Variants in PLB1 observed in about 807,000 individuals in gnomAD.
The protein encoded by PLB1 is phospholipase B1, membrane-associated.
A neutral mutation model predicts 227.4 loss-of-function variants in PLB1; 242 were observed. That is an observed-to-expected ratio of 1.06 (90% CI 0.96 to 1.18). The LOEUF is 1.18. PLB1 is among the 50% of genes most tolerant of loss of function. The probability of loss-of-function intolerance (pLI) is 0.00; values close to 1 mark genes in which losing one functional copy is unlikely to be tolerated. For missense variants in PLB1, 1,858 were observed against 1,816.3 expected (o/e 1.02, Z -0.42); for synonymous variants, 757 against 682.2 (o/e 1.11, Z -1.71).
intron 44 of PLB1, among the ~76,000 whole-genome samples, chr2:28,616,088 G>A (rs1268105797): frequency 3.3e-5 from 5 of 152,200 alleles, no homozygotes; most frequent in Non-Finnish European, 7.3e-5. Flanking sequence ...ATGGTGGTTG[G>A]GGAGTAGAGA....
intron 31 of PLB1, among the ~76,000 whole-genome samples, chr2:28,592,366 C>G (rs555967184): frequency 7.4e-4 from 112 of 152,136 alleles, no homozygotes; most frequent in African/African-American, 2.6e-3. Flanking sequence ...TGCCCTCCCT[C>G]CCACCTTTCC....
intron 41 of PLB1, among the ~76,000 whole-genome samples, chr2:28,604,981 C>T (rs1684461819): frequency 6.6e-6 from 1 of 152,226 alleles, no homozygotes; most frequent in Non-Finnish European, 1.5e-5. Flanking sequence ...CTACTAGTGC[C>T]AGGCACTGTG....
intron 14 of PLB1, among the ~76,000 whole-genome samples, chr2:28,544,099 C>A (rs185352412): frequency 6.6e-6 from 1 of 152,144 alleles, no homozygotes; most frequent in Admixed American, 6.5e-5. Context: ...TGTTGAGTAC[C>A]AGGGACAGCT....
In PLB1 at chr2:28,543,994, T is replaced by G. The variant is rs920419719; in HGVS notation, c.936+726T>G. Reference sequence around the variant, plus strand: ...GACAGAGACCTGAATTTGCCATTTATTTTCTTCCCACCCAAGCTGCCTTAT... The same window carrying G: ...GACAGAGACCTGAATTTGCCATTTAGTTTCTTCCCACCCAAGCTGCCTTAT... On this transcript the variant is annotated intron_variant, in intron 14 of 57. Transcript: ENST00000327757. Among the ~76,000 whole-genome samples, 6 of 152,212 alleles carry G rather than the reference T, an allele frequency of 3.9e-5. No individual in the cohort carries two copies. In the South Asian group the frequency reaches 8.3e-4, roughly 21 times the overall value.
intron 49 of PLB1, among the ~76,000 whole-genome samples, chr2:28,623,890 G>A (rs1687370781): frequency 6.6e-6 from 1 of 152,242 alleles, no homozygotes; most frequent in Non-Finnish European, 1.5e-5. Context: ...TTGCCCAGGA[G>A]TTGGAGACCA....
At chr2:28,498,736 TA>T (rs1377206986) in intron 1 of PLB1, among the ~76,000 whole-genome samples, 9 of 152,278 alleles carry the variant, frequency 5.9e-5, no homozygotes, top group African/African-American at 2.2e-4. Flanking sequence ...TCAGGGCCAA[TA>T]ACCCATTATC....
chr2:28,641,476 C>A (rs1467276216), intron 57 of PLB1, among the ~76,000 whole-genome samples: 2 of 152,080 alleles, frequency 1.3e-5, no homozygotes, highest in Non-Finnish European at 2.9e-5. Context: ...GGCATGGTGG[C>A]GGGCGCCTGT....
Position 28,517,870 on chromosome 2 carries a change from CT to C in PLB1, c.118-578del, listed in dbSNP as rs751699033. Reference sequence around the variant, plus strand: ...CTGCCATCCCTTTCTAGAACTTTCTCTTTTTTTTTTTTTTTTTTGAGACAGA... The same window carrying C: ...CTGCCATCCCTTTCTAGAACTTTCTCTTTTTTTTTTTTTTTTTGAGACAGA... On this transcript the variant is annotated intron_variant, in intron 2 of 57. Coordinates refer to ENST00000327757, the MANE Select transcript of PLB1 (RefSeq NM_153021.5). Among the ~76,000 whole-genome samples, 1,220 of 133,818 alleles carry C rather than the reference CT, an allele frequency of 9.1e-3. 19 individuals carry two copies. The highest frequency in any genetic ancestry group is 0.027 in the African/African-American group (1,003 of 36,734). The allele number at this position is 133,818 out of a possible 152,430, so 87.8% of individuals were successfully genotyped here.
intron 4 of PLB1, among the ~76,000 whole-genome samples, chr2:28,523,335 GTTTT>G (rs199936505): frequency 1.4e-3 from 168 of 116,878 alleles, no homozygotes; most frequent in African/African-American, 4.8e-3. Flanking sequence ...TATCTGCGAG[GTTTT>G]TTTTTTTTTT....
At chr2:28,576,859 G>A (rs1199247061) in intron 21 of PLB1, among the ~76,000 whole-genome samples, 5 of 152,156 alleles carry the variant, frequency 3.3e-5, no homozygotes, top group Admixed American at 1.3e-4. Flanking sequence ...TGACTTACCC[G>A]AAGTTCCCAT....
At chr2:28,615,150 C>A (rs921632634) in intron 44 of PLB1, among the ~76,000 whole-genome samples, 3 of 151,996 alleles carry the variant, frequency 2.0e-5, no homozygotes, top group Non-Finnish European at 2.9e-5. Context: ...GGCAGAAGGA[C>A]CATGGACCAC....
At position 28,620,855 on chromosome 2, in the gene PLB1, T is replaced by TCTC. The variant is rs746224994; in HGVS notation, c.3428-8_3428-6dup. ...TCCTGCAGGCTCTCACCTGTGCTCT[T>TCTC]CTCCTCCTCCTCCTCCTCTAAAGAC... On this transcript the variant is annotated intron_variant, in intron 48 of 57. Coordinates refer to ENST00000327757, the MANE Select transcript of PLB1 (RefSeq NM_153021.5). The TCTC allele has an allele frequency of 3.9e-5, 63 of 1,595,588 alleles. No homozygotes were observed. In the East Asian group the frequency reaches 5.8e-4, roughly 15 times the overall value.
At chr2:28,562,557 A>AAAAAAAAAAAAAAT (rs1676229267) in intron 17 of PLB1, among the ~76,000 whole-genome samples, 1 of 150,808 alleles carries the variant, frequency 6.6e-6, no homozygotes, top group African/African-American at 2.4e-5. Context: ...AAAAAAAAAA[A>AAAAAAAAAAAAAAT]AAGTCAGTGG....
At chr2:28,635,292 G>A (rs533406732) in intron 56 of PLB1, among the ~76,000 whole-genome samples, 1 of 152,268 alleles carries the variant, frequency 6.6e-6, no homozygotes, top group South Asian at 2.1e-4. Context: ...TCGGCTTCTG[G>A]CTGGAATTTC....
intron 1 of PLB1, among the ~76,000 whole-genome samples, chr2:28,511,009 T>C (rs1668192601): frequency 6.6e-6 from 1 of 152,154 alleles, no homozygotes; most frequent in Non-Finnish European, 1.5e-5. Flanking sequence ...AACACTAGCT[T>C]GTGGATTATA....
At chr2:28,602,154 G>A (rs1684019200) in intron 38 of PLB1, among the ~76,000 whole-genome samples, 190 bp downstream of exon 38, 1 of 152,238 alleles carries the variant, frequency 6.6e-6, no homozygotes, top group Non-Finnish European at 1.5e-5. Context: ...GCCCAGAAGG[G>A]CCTCAGGTCT....
chr2:28,574,351 C>A (rs1442446116), intron 21 of PLB1, among the ~76,000 whole-genome samples: 1 of 108,674 alleles, frequency 9.2e-6, no homozygotes, highest in South Asian at 3.7e-4. Flanking sequence ...CCCCACCCTT[C>A]CTCTCTGAGT....
Position 28,540,446 on chromosome 2 carries a change from G to T in PLB1, c.774+5G>T, listed in dbSNP as rs1302878630. Reference sequence around the variant, plus strand: ...GTGATGCAGTGGTCTTATCAGGTGAGCCCAACCTGGGATCCCAAGCTGCTG... The same window carrying T: ...GTGATGCAGTGGTCTTATCAGGTGATCCCAACCTGGGATCCCAAGCTGCTG... On this transcript the variant is annotated splice_donor_5th_base_variant and intron_variant, in intron 12 of 57. Transcript: ENST00000327757. The T allele has an allele frequency of 1.2e-6, 2 of 1,613,512 alleles. No individual in the cohort carries two copies. The highest frequency in any genetic ancestry group is 1.7e-5 in the Admixed American group (1 of 59,986).
chr2:28,571,574 G>A (rs78644567), intron 20 of PLB1, among the ~76,000 whole-genome samples: 28 of 7,360 alleles, frequency 3.8e-3, no homozygotes, highest in African/African-American at 9.0e-3. Flanking sequence ...TAATCAAGAC[G>A]TGGTACTAGC....
Sources: gnomAD v4.1 joint callset for allele counts (sites outside exome capture counted in the v4.1 genomes callset) on GRCh38, gnomAD v4.1.1 for gene constraint, MANE v1.5 for transcripts, NCBI Gene and HGNC (gene_info 2026-07-23, HGNC 2026-07-21) for gene names.